TSHZ2: variants seen among roughly 807,000 people sequenced by gnomAD.
The protein encoded by TSHZ2 is teashirt homolog 2.
TSHZ2 carries 21 observed loss-of-function variants against 74.4 expected under a neutral mutation model. That is an observed-to-expected ratio of 0.28 (90% CI 0.20 to 0.41). The LOEUF is 0.41. TSHZ2 is among the 10% of genes least tolerant of loss of function. TSHZ2 has a pLI of 1.00. For missense variants in TSHZ2, 1,244 were observed against 1,293.5 expected (o/e 0.96, Z 0.59); for synonymous variants, 540 against 515.3 (o/e 1.05, Z -0.65).
intron 2 of TSHZ2, among the ~76,000 whole-genome samples, chr20:53,481,842 G>A (rs952024140): frequency 4.0e-5 from 6 of 151,844 alleles, no homozygotes; most frequent in African/African-American, 1.2e-4. Context: ...AGTGGCTTAC[G>A]CCTGTACTCC....
chr20:53,238,147 G>A (rs902023678), intron 1 of TSHZ2, among the ~76,000 whole-genome samples: 3 of 152,142 alleles, frequency 2.0e-5, no homozygotes, highest in Non-Finnish European at 4.4e-5. Flanking sequence ...CCAATGGTTT[G>A]AGCTTAGTTT....
intron 2 of TSHZ2, among the ~76,000 whole-genome samples, chr20:53,445,123 G>T (rs760343872): frequency 1.3e-5 from 2 of 152,204 alleles, no homozygotes; most frequent in Admixed American, 6.5e-5. Flanking sequence ...GGAGAAACTT[G>T]AAGTGTAAGG....
chr20:53,269,924 CT>C (rs1466232398), intron 2 of TSHZ2, among the ~76,000 whole-genome samples: 1 of 152,158 alleles, frequency 6.6e-6, no homozygotes, highest in Non-Finnish European at 1.5e-5. Flanking sequence ...GGAACCTCTT[CT>C]TTTAATCCTT....
At chr20:53,462,848 A>C (rs1426078881) in intron 2 of TSHZ2, among the ~76,000 whole-genome samples, 1 of 152,132 alleles carries the variant, frequency 6.6e-6, no homozygotes, top group Non-Finnish European at 1.5e-5. Flanking sequence ...GAGCAAGTAA[A>C]AAGGGATCCA....
chr20:53,130,552 G>C (rs1987075199), intron 1 of TSHZ2, among the ~76,000 whole-genome samples: 1 of 152,222 alleles, frequency 6.6e-6, no homozygotes, highest in Admixed American at 6.5e-5. Flanking sequence ...CTAGAGCCCG[G>C]AGGGTGGAGG....
At chr20:53,267,295 G>A (rs1990740875) in intron 2 of TSHZ2, among the ~76,000 whole-genome samples, 1 of 152,190 alleles carries the variant, frequency 6.6e-6, no homozygotes, top group African/African-American at 2.4e-5. Context: ...GAGGCTCCGA[G>A]GCCAGTAAGA....
chr20:53,437,744 C>T (rs1034704620), intron 2 of TSHZ2, among the ~76,000 whole-genome samples: 1 of 152,156 alleles, frequency 6.6e-6, no homozygotes, highest in Non-Finnish European at 1.5e-5. Context: ...GCAGATACCT[C>T]GTGAATGGCT....
intron 1 of TSHZ2, among the ~76,000 whole-genome samples, chr20:53,183,967 G>T (rs6097284): frequency 0.02 from 3,090 of 152,246 alleles, 45 homozygotes; most frequent in Non-Finnish European, 0.033. Flanking sequence ...GAGAAATGAA[G>T]GGAGTCCTGC....
At chr20:53,021,345 C>G (rs1287005881) in intron 1 of TSHZ2, among the ~76,000 whole-genome samples, 1 of 152,142 alleles carries the variant, frequency 6.6e-6, no homozygotes, top group Non-Finnish European at 1.5e-5. Flanking sequence ...GAATCAGAAA[C>G]CATGACAATG....
intron 1 of TSHZ2, among the ~76,000 whole-genome samples, chr20:53,050,131 ATATATATG>A (rs1984394835): frequency 1.4e-5 from 1 of 73,016 alleles, no homozygotes; most frequent in East Asian, 7.1e-4. Context: ...ATATACACAT[ATATATATG>A]TGTATATATA....
intron 1 of TSHZ2, among the ~76,000 whole-genome samples, chr20:53,157,808 A>G (rs367944686): frequency 1.2e-4 from 19 of 152,184 alleles, no homozygotes; most frequent in African/African-American, 4.3e-4. Context: ...TATTTATTCA[A>G]CTCACATACA....
Position 53,003,083 on chromosome 20 carries a change from C to T in TSHZ2, c.40+29750C>T, listed in dbSNP as rs549793878. ...ACAAATACATTATCTAATAAAGCTGCCTCGAGCTTAAGAGATAACAAAATG... is the reference window on the plus strand; with the variant it reads ...ACAAATACATTATCTAATAAAGCTGTCTCGAGCTTAAGAGATAACAAAATG... On this transcript the variant is annotated intron_variant, in intron 1 of 2. Transcript: ENST00000371497. Among the ~76,000 whole-genome samples, 19 of 152,226 alleles carry T rather than the reference C, an allele frequency of 1.2e-4. 2 individuals carry two copies. The South Asian group carries it at 4.0e-3, about 32-fold the overall frequency.
chr20:53,269,922 T>G (rs570532569), intron 2 of TSHZ2, among the ~76,000 whole-genome samples: 1 of 152,238 alleles, frequency 6.6e-6, no homozygotes, highest in Non-Finnish European at 1.5e-5. Context: ...AAGGAACCTC[T>G]TCTTTTAATC....
chr20:53,114,537 T>C (rs1986619071), intron 1 of TSHZ2, among the ~76,000 whole-genome samples: 2 of 152,142 alleles, frequency 1.3e-5, no homozygotes, highest in African/African-American at 4.8e-5. Context: ...TCCAGTGCAG[T>C]CTGGTCAAAT....
chr20:53,469,083 A>ATATATATATATG (rs1600664698), intron 2 of TSHZ2, among the ~76,000 whole-genome samples: 1 of 132,964 alleles, frequency 7.5e-6, no homozygotes, highest in Admixed American at 7.6e-5. Context: ...ATATATATAT[A>ATATATATATATG]TGTACATATT....
intron 2 of TSHZ2, among the ~76,000 whole-genome samples, chr20:53,258,771 G>A (rs145254025): frequency 6.7e-4 from 102 of 152,230 alleles, no homozygotes; most frequent in African/African-American, 2.2e-3. Context: ...TTTGGACCTC[G>A]AAAGCACCGT....
intron 2 of TSHZ2, among the ~76,000 whole-genome samples, chr20:53,317,097 G>A: frequency 6.6e-6 from 1 of 152,096 alleles, no homozygotes; most frequent in Non-Finnish European, 1.5e-5. Context: ...AAAAGGCAGT[G>A]GTCCAAGGAA....
intron 1 of TSHZ2, among the ~76,000 whole-genome samples, chr20:53,001,610 T>A (rs1982444106): frequency 6.6e-6 from 1 of 152,190 alleles, no homozygotes; most frequent in African/African-American, 2.4e-5. Flanking sequence ...CCTGTCTCAT[T>A]TATCATCTGA....
chr20:53,259,495 G>A (rs12625839), intron 2 of TSHZ2, among the ~76,000 whole-genome samples: 1 of 152,146 alleles, frequency 6.6e-6, no homozygotes, highest in East Asian at 1.9e-4. Context: ...TTGACTAATA[G>A]AAATTAAACA....
Sources: allele counts gnomAD v4.1 joint callset (sites outside exome capture counted in the v4.1 genomes callset), GRCh38; gene constraint gnomAD v4.1.1; transcripts MANE v1.5; gene names NCBI Gene and HGNC (gene_info 2026-07-23, HGNC 2026-07-21).